TJAP1: variants seen among roughly 807,000 people sequenced by gnomAD.
The protein encoded by TJAP1 is tight junction-associated protein 1.
Under a neutral mutation model 42.0 loss-of-function variants are expected in TJAP1, and 27 were observed. The ratio of observed to expected loss-of-function variants is 0.64; its 90% CI spans 0.47 to 0.89. The LOEUF is 0.89. Among genes scored for constraint, TJAP1 ranks in the 40% least tolerant of loss-of-function variants. The probability of loss-of-function intolerance (pLI) is 0.00; values close to 1 mark genes in which losing one functional copy is unlikely to be tolerated. For synonymous variants in TJAP1, 257 were observed against 288.4 expected, an observed-to-expected ratio of 0.89 and a Z score of 1.10; for missense variants, 712 against 726.9, an observed-to-expected ratio of 0.98 and a Z score of 0.24.
chr6:43,480,767 C>G (rs1324383300), intron 2 of TJAP1, among the ~76,000 whole-genome samples: 1 of 152,224 alleles, frequency 6.6e-6, no homozygotes, highest in African/African-American at 2.4e-5. Context: ...CTGCCTACTT[C>G]TGCCTCCCAA....
At chr6:43,503,544 G>A (rs1791460583) in intron 9 of TJAP1, 36 bp downstream of exon 9, 1 of 1,610,992 alleles carries the variant, frequency 6.2e-7, no homozygotes, top group Non-Finnish European at 8.5e-7. Flanking sequence ...TTCCTCACCT[G>A]GGGCTAGCTT....
chr6:43,488,856 C>CA lies in TJAP1; in HGVS notation c.-121-9024dup, dbSNP rs1787154794. ...AGCTCTTGGGCTGTAGTCAGAGCAACATGGGGAGCCCAGTGTGTAGGCAAT... is the reference window on the plus strand; with the variant it reads ...AGCTCTTGGGCTGTAGTCAGAGCAACAATGGGGAGCCCAGTGTGTAGGCAAT... On this transcript the variant is annotated intron_variant, in intron 2 of 10. Transcript: ENST00000372449. Among the ~76,000 whole-genome samples the CA allele has an allele frequency of 2.6e-5, 4 of 152,258 alleles. No homozygotes were observed. The South Asian group carries it at 8.3e-4, about 32-fold the overall frequency.
chr6:43,503,933 CAG>C (rs1192564927), intron 10 of TJAP1: 3 of 699,258 alleles, frequency 4.3e-6, no homozygotes, highest in African/African-American at 1.8e-5. Context: ...GTTTCTGTAA[CAG>C]AGACAGAGAG....
Position 43,505,591 on chromosome 6 carries a change from G to A in TJAP1, c.1410G>A (p.Leu470=). 1.9e-6 allele frequency: 3 copies of A among 1,613,636 alleles called. No individual in the cohort carries two copies. The highest frequency in any genetic ancestry group is 2.5e-6 in the Non-Finnish European group (3 of 1,180,040). Residue 470 remains leucine, a synonymous_variant, in exon 11 of 11, where the codon TTG becomes TTA. Coordinates refer to ENST00000372449, the Ensembl canonical transcript of TJAP1. This position sits in a 1 kb window ranked among gnomAD's most constrained non-coding sequence, Gnocchi z 5.5. ...CCCGACCCGAAGAGAGTGAGCTTTT[G>A]CTACCCACAGAACCTGACTCTGGCT...
rs922809135 is a variant in TJAP1 at position 43,505,466 on chromosome 6, G to A, written c.1285G>A (p.Ala429Thr). ...CCGTACTCCACCACCTGCTGCTGTG[G>A]CCCAGCGCACAGCCTTTGGACGCGA... Residue 429 changes from alanine (A) to threonine (T), a missense_variant, in exon 11 of 11, where the codon GCC becomes ACC. Transcript: ENST00000372449. The surrounding 1 kb of genome is among the most constrained non-coding windows in gnomAD (Gnocchi z 5.5). The A allele has an allele frequency of 3.7e-6, 6 of 1,613,404 alleles. No homozygotes were observed. The highest frequency in any genetic ancestry group is 4.2e-6 in the Non-Finnish European group (5 of 1,180,032).
At chr6:43,481,116 A>T (rs1484150517) in intron 2 of TJAP1, among the ~76,000 whole-genome samples, 2 of 152,054 alleles carry the variant, frequency 1.3e-5, no homozygotes, top group Non-Finnish European at 2.9e-5. Context: ...TTGTAGTAGA[A>T]TTTTTTTTGA....
intron 2 of TJAP1, among the ~76,000 whole-genome samples, chr6:43,493,871 C>CA (rs1788378613): frequency 6.6e-6 from 1 of 152,148 alleles, no homozygotes; most frequent in Non-Finnish European, 1.5e-5. Flanking sequence ...TGCGTACCCA[C>CA]AAAAGGGAGC....
intron 6 of TJAP1, 94 bp downstream of exon 6, chr6:43,501,781 C>T: frequency 1.5e-6 from 1 of 652,724 alleles, no homozygotes. Flanking sequence ...CTCTCTCTCT[C>T]TGTGTCTCTG....
At chr6:43,479,746 C>T (rs1247839939) in intron 2 of TJAP1, among the ~76,000 whole-genome samples, 1 of 152,136 alleles carries the variant, frequency 6.6e-6, no homozygotes, top group Non-Finnish European at 1.5e-5. Context: ...CCGAGGCAGG[C>T]GGATCACGAG....
chr6:43,504,196 C>T lies in TJAP1; in HGVS notation c.579+490C>T, dbSNP rs111309203. The T allele has an allele frequency of 2.2e-3, 526 of 238,084 alleles. 2 individuals are homozygous for T. The highest frequency in any genetic ancestry group is 0.011 in the African/African-American group (488 of 43,642). 14.7% of individuals were successfully genotyped at this position (238,084 alleles called of 1,614,324 possible). Reference sequence around the variant, plus strand: ...GTGGCACAATCTCGGCTCACTGCAACCTCCGCCTCCCGGCTTCAAGCAATT... The same window carrying T: ...GTGGCACAATCTCGGCTCACTGCAATCTCCGCCTCCCGGCTTCAAGCAATT... On this transcript the variant is annotated intron_variant, in intron 10 of 10. Coordinates refer to ENST00000372449, the Ensembl canonical transcript of TJAP1.
At chr6:43,479,387 C>T (rs113690411) in intron 2 of TJAP1, among the ~76,000 whole-genome samples, 9 of 152,238 alleles carry the variant, frequency 5.9e-5, no homozygotes, top group African/African-American at 2.2e-4. Context: ...AGCTGTGACT[C>T]TGTTTCTGAA....
In TJAP1 at chr6:43,500,777, G is replaced by A; in HGVS notation, c.128+5G>A. ...GACTGATGCAGAAAGGATGAAGTGA[G>A]TATCTGCTACCTGAGATACTGCCCT... On this transcript the variant is annotated splice_donor_5th_base_variant and intron_variant, in intron 5 of 10. Coordinates refer to ENST00000372449, the Ensembl canonical transcript of TJAP1. The A allele has an allele frequency of 1.1e-5, 17 of 1,614,134 alleles. No homozygotes were observed. Among genetic ancestry groups the A allele is most frequent in the Non-Finnish European group, 1.4e-5 (17 of 1,180,008 alleles).
At chr6:43,503,253 TTCTG>T (rs1791390447) in intron 8 of TJAP1, 144 bp from the exon 9 acceptor site, 2 of 643,792 alleles carry the variant, frequency 3.1e-6, no homozygotes, top group Non-Finnish European at 5.5e-6. Flanking sequence ...CCCAGTCTCC[TTCTG>T]TCTGTCCGTC....
At position 43,505,017 on chromosome 6, in the gene TJAP1, C is replaced by T; in HGVS notation, c.836C>T (p.Ala279Val). Residue 279 changes from alanine (A) to valine (V), a missense_variant, in exon 11 of 11, where the codon GCC becomes GTC. This residue lies in a region of TJAP1 where 549 missense variants were observed against 528.2 expected (regional missense o/e 1.04). Coordinates refer to ENST00000372449, the Ensembl canonical transcript of TJAP1. This position sits in a 1 kb window ranked among gnomAD's most constrained non-coding sequence, Gnocchi z 5.5. The stretch of plus-strand genomic sequence containing the variant: ...CCAGGTGATCCAGCCAGTCCCCCGG[C>T]CCCTGGCAGCCCCACCCCACAACCC... The T allele has an allele frequency of 1.2e-6, 2 of 1,614,058 alleles. No individual in the cohort carries two copies. Among genetic ancestry groups the T allele is most frequent in the Non-Finnish European group, 8.5e-7 (1 of 1,180,024 alleles).
Position 43,505,044 on chromosome 6 carries a change from A to C in TJAP1, c.863A>C (p.Asn288Thr). The change falls in exon 11 of 11, where the codon AAT (asparagine) becomes ACT (threonine). Residue 288 changes from asparagine (N) to threonine (T), a missense_variant. Asn to Thr is a moderately conservative substitution (Grantham distance 65). This residue lies in a region of TJAP1 where 549 missense variants were observed against 528.2 expected (regional missense o/e 1.04). Transcript: ENST00000372449. The surrounding 1 kb of genome is among the most constrained non-coding windows in gnomAD (Gnocchi z 5.5). Reference sequence around the variant, plus strand: ...CCTGGCAGCCCCACCCCACAACCCAATGGGGAGTGCCACTCTCTGGGTACT... The same window carrying C: ...CCTGGCAGCCCCACCCCACAACCCACTGGGGAGTGCCACTCTCTGGGTACT... The C allele has an allele frequency of 6.2e-7, 1 of 1,613,816 alleles. No individual in the cohort carries two copies.
chr6:43,505,664 G>C lies in TJAP1; in HGVS notation c.1483G>C (p.Glu495Gln). 1 of 1,609,900 alleles carries C rather than the reference G, an allele frequency of 6.2e-7. No homozygotes were observed. Among genetic ancestry groups the C allele is most frequent in the Non-Finnish European group, 8.5e-7 (1 of 1,177,332 alleles). The change falls in exon 11 of 11, where the codon GAG becomes CAG. Residue 495 changes from glutamate (E) to glutamine (Q), a missense_variant. Around this residue, in one of 3 missense-constraint regions of TJAP1, gnomAD observed 549 missense variants for 528.2 expected, o/e 1.04. Transcript: ENST00000372449. This position sits in a 1 kb window ranked among gnomAD's most constrained non-coding sequence, Gnocchi z 5.5. ...GAACCTGCCTATCAGTCCTGAGGAA[G>C]AGCGCCAGAGCCTGCTGCCCATTAA...
intron 2 of TJAP1, among the ~76,000 whole-genome samples, chr6:43,479,024 T>C (rs1176202270): frequency 6.6e-6 from 1 of 152,222 alleles, no homozygotes; most frequent in African/African-American, 2.4e-5. Context: ...CAAACCACTT[T>C]TGAAAAATAT....
rs1387796623 is a variant in TJAP1 at position 43,491,821 on chromosome 6, A to G, written c.-121-6060A>G. On this transcript the variant is annotated intron_variant, in intron 2 of 10. Transcript: ENST00000372449. This position sits in a 1 kb window ranked among gnomAD's most constrained non-coding sequence, Gnocchi z 4.6. ...ATGAGTGTACTATGTACAAATAAAC[A>G]TTTATAGTACTATATATTATTCATG... Among the ~76,000 whole-genome samples, 5 of 152,238 alleles carry G rather than the reference A, an allele frequency of 3.3e-5. No homozygotes were observed. Among genetic ancestry groups the G allele is most frequent in the African/African-American group, 1.2e-4 (5 of 41,456 alleles).
At chr6:43,501,680 T>G (rs1377297730) in exon 6 of TJAP1, 4 of 1,135,062 alleles carry the variant, frequency 3.5e-6, no homozygotes, top group Non-Finnish European at 5.3e-6. Flanking sequence ...TAAGGATAAG[T>G]TCCGCAGGTG....
Sources: gnomAD v4.1 joint callset for allele counts (sites outside exome capture counted in the v4.1 genomes callset) on GRCh38, gnomAD v4.1.1 for gene constraint, gnomAD v4.1.1 regional missense constraint, Gnocchi (gnomAD v3.1) non-coding constraint, MANE v1.5 for transcripts, NCBI Gene and HGNC (gene_info 2026-07-23, HGNC 2026-07-21) for gene names.